The following CNOT6 variants were observed in gnomAD, a reference collection of about 807,000 sequenced individuals.
The protein encoded by CNOT6 is carbon catabolite repression 4 protein.
In CNOT6, 12 loss-of-function variants were observed where a neutral mutation model predicts 61.2. The ratio of observed to expected loss-of-function variants is 0.20; its 90% CI spans 0.13 to 0.32. The LOEUF (loss-of-function observed/expected upper bound fraction) is 0.32, where lower values mean the gene tolerates loss of function less well. Among genes scored for constraint, CNOT6 ranks in the 10% least tolerant of loss-of-function variants. CNOT6 has a pLI of 1.00. For missense variants in CNOT6, 405 were observed against 663.9 expected, an observed-to-expected ratio of 0.61 and a Z score of 4.28; for synonymous variants, 225 against 240.6, an observed-to-expected ratio of 0.94 and a Z score of 0.60.
Position 180,494,474 on chromosome 5 carries a change from G to C in CNOT6, c.-292G>C, listed in dbSNP as rs1756491691. The C allele has an allele frequency of 6.4e-6, 1 of 156,174 alleles. No homozygotes were observed. The allele number at this position is 156,174 out of a possible 1,614,324, so 9.7% of individuals were successfully genotyped here. A position where few individuals can be genotyped will look rare whatever the true frequency, so the allele number is the denominator to read the frequency against. Reference sequence around the variant, plus strand: ...CGGCGGCGTCGGTGGCGGCGGCGACGGCGGCGCGGAGGCGAAGGCAGCGGC... The same window carrying C: ...CGGCGGCGTCGGTGGCGGCGGCGACCGCGGCGCGGAGGCGAAGGCAGCGGC... On this transcript the variant is annotated 5_prime_UTR_variant, in exon 1 of 12. Coordinates refer to ENST00000261951, the MANE Select transcript of CNOT6 (RefSeq NM_001370472.1).
At chr5:180,502,519 T>G (rs1056134832) in intron 1 of CNOT6, among the ~76,000 whole-genome samples, 1 of 152,210 alleles carries the variant, frequency 6.6e-6, no homozygotes, top group Non-Finnish European at 1.5e-5. Context: ...TGCCCAAACT[T>G]TGGTTAAATA....
At chr5:180,515,498 TAGGC>T (rs930480097) in intron 1 of CNOT6, among the ~76,000 whole-genome samples, 6 of 152,132 alleles carry the variant, frequency 3.9e-5, no homozygotes, top group African/African-American at 9.7e-5. Flanking sequence ...GTTTGGACTT[TAGGC>T]AGGCAGGCAG....
intron 6 of CNOT6, among the ~76,000 whole-genome samples, 153 bp downstream of exon 6, chr5:180,564,896 T>C (rs867446724): frequency 7.2e-5 from 11 of 152,390 alleles, no homozygotes; most frequent in African/African-American, 2.2e-4. Context: ...CTTGCTCACA[T>C]GACCTCTATG....
chr5:180,568,002 G>A lies in CNOT6; in HGVS notation c.1026G>A (p.Pro342=), dbSNP rs759325223. 5.6e-5 allele frequency: 90 copies of A among 1,602,204 alleles called. No individual in the cohort carries two copies. The highest frequency in any genetic ancestry group is 7.3e-5 in the Non-Finnish European group (86 of 1,171,846). Residue 342 remains proline (P), a splice_region_variant and synonymous_variant, in exon 9 of 12, where the codon CCG becomes CCA. Transcript: ENST00000261951. Reference sequence around the variant, plus strand: ...TTCGGAAGGAATCGATTGAAATGCCGTGTGAGTGCCCTTCACTTCCTGTAA... The same window carrying A: ...TTCGGAAGGAATCGATTGAAATGCCATGTGAGTGCCCTTCACTTCCTGTAA... The part of the protein sequence containing the change: ...LELRKESIEM[P]SGKPHLGTEK...
At chr5:180,554,263 C>G (rs1759764819) in intron 4 of CNOT6, among the ~76,000 whole-genome samples, 1 of 152,068 alleles carries the variant, frequency 6.6e-6, no homozygotes, top group Non-Finnish European at 1.5e-5. Flanking sequence ...ACCAAAAATA[C>G]AAAAGTCAGC....
At chr5:180,565,241 T>C (rs1760394150) in intron 6 of CNOT6, among the ~76,000 whole-genome samples, 5 of 152,250 alleles carry the variant, frequency 3.3e-5, no homozygotes, top group African/African-American at 1.2e-4. Context: ...ATGTTCCAAA[T>C]GGATTTGACA....
rs1471179114 is a variant in CNOT6 at position 180,574,399 on chromosome 5, G to A, written c.*199G>A. Reference sequence around the variant, plus strand: ...TTCTGAGCCCAATATGCTTTATACTGCTAGACAGGGATTGGTGTGTTTGCA... The same window carrying A: ...TTCTGAGCCCAATATGCTTTATACTACTAGACAGGGATTGGTGTGTTTGCA... On this transcript the variant is annotated 3_prime_UTR_variant, in exon 12 of 12. Coordinates refer to ENST00000261951, the MANE Select transcript of CNOT6 (RefSeq NM_001370472.1). The A allele has an allele frequency of 2.4e-5, 14 of 593,090 alleles. No homozygotes were observed. The highest frequency in any genetic ancestry group is 4.2e-5 in the Non-Finnish European group (14 of 332,580). 36.7% of individuals were successfully genotyped at this position (593,090 alleles called of 1,614,324 possible). A position where few individuals can be genotyped will look rare whatever the true frequency, so the allele number is the denominator to read the frequency against.
chr5:180,552,702 G>A (rs770881019), intron 3 of CNOT6, among the ~76,000 whole-genome samples: 3 of 151,860 alleles, frequency 2.0e-5, no homozygotes, highest in Non-Finnish European at 4.4e-5. Context: ...CACTGTGTCC[G>A]TATTGGGTCT....
chr5:180,528,244 T>TA (rs1171340345), intron 1 of CNOT6, among the ~76,000 whole-genome samples: 1 of 152,242 alleles, frequency 6.6e-6, no homozygotes, highest in Non-Finnish European at 1.5e-5. Flanking sequence ...AGAATTCTGT[T>TA]AAAAACAGTC....
At chr5:180,521,445 G>T (rs1237968368) in intron 1 of CNOT6, among the ~76,000 whole-genome samples, 1 of 152,100 alleles carries the variant, frequency 6.6e-6, no homozygotes, top group African/African-American at 2.4e-5. Flanking sequence ...CCTAGATTTT[G>T]AATTACTTAT....
chr5:180,504,353 T>C (rs1757029824), intron 1 of CNOT6, among the ~76,000 whole-genome samples: 1 of 152,226 alleles, frequency 6.6e-6, no homozygotes, highest in Admixed American at 6.5e-5. Context: ...GGGAAAAGAC[T>C]AGTGGATCAA....
intron 1 of CNOT6, among the ~76,000 whole-genome samples, chr5:180,499,702 G>A (rs191307116): frequency 4.3e-4 from 65 of 152,308 alleles, no homozygotes; most frequent in African/African-American, 1.4e-3. Flanking sequence ...AGTTTTACAC[G>A]TTGAATGGTT....
chr5:180,512,629 G>A (rs1757443819), intron 1 of CNOT6, among the ~76,000 whole-genome samples: 1 of 152,158 alleles, frequency 6.6e-6, no homozygotes, highest in Non-Finnish European at 1.5e-5. Flanking sequence ...ACAGAGTCTT[G>A]CTCTGTTGCC....
chr5:180,566,163 T>C (rs1301656077), intron 7 of CNOT6, among the ~76,000 whole-genome samples, 186 bp downstream of exon 7: 2 of 152,222 alleles, frequency 1.3e-5, no homozygotes, highest in East Asian at 3.8e-4. Context: ...AATAGGCAAA[T>C]GTGTTAAGCT....
At chr5:180,547,943 A>G (rs1759399443) in intron 2 of CNOT6, among the ~76,000 whole-genome samples, 1 of 152,192 alleles carries the variant, frequency 6.6e-6, no homozygotes, top group South Asian at 2.1e-4. Context: ...CGTGTTGGCC[A>G]GGCTGGTCTT....
intron 1 of CNOT6, among the ~76,000 whole-genome samples, chr5:180,503,979 A>G (rs2127694271): frequency 6.6e-6 from 1 of 152,326 alleles, no homozygotes; most frequent in East Asian, 1.9e-4. Flanking sequence ...ATAATATAGG[A>G]AAACCCAATT....
intron 10 of CNOT6, among the ~76,000 whole-genome samples, chr5:180,569,990 A>G (rs551617286): frequency 1.3e-5 from 2 of 152,134 alleles, no homozygotes; most frequent in African/African-American, 4.8e-5. Flanking sequence ...CTTGGACGTG[A>G]ATGTACGCAT....
intron 1 of CNOT6, among the ~76,000 whole-genome samples, chr5:180,495,096 G>A (rs1756541944): frequency 6.6e-6 from 1 of 152,222 alleles, no homozygotes; most frequent in Non-Finnish European, 1.5e-5. Flanking sequence ...CGTGTCCCGG[G>A]ACTCGTGGCC....
chr5:180,517,814 T>A (rs545845628), intron 1 of CNOT6, among the ~76,000 whole-genome samples: 74 of 152,348 alleles, frequency 4.9e-4, no homozygotes, highest in Middle Eastern at 3.4e-3. Flanking sequence ...AGTGCTGGGA[T>A]TACAGGCGTG....
Sources: allele counts gnomAD v4.1 joint callset (sites outside exome capture counted in the v4.1 genomes callset), GRCh38; gene constraint gnomAD v4.1.1; transcripts MANE v1.5; gene names NCBI Gene and HGNC (gene_info 2026-07-23, HGNC 2026-07-21).